The following HLCS variants were observed in gnomAD, a reference collection of about 807,000 sequenced individuals.
The protein encoded by HLCS is holocarboxylase synthetase.
Under a neutral mutation model 75.0 loss-of-function variants are expected in HLCS, and 53 were observed. The observed-to-expected ratio is 0.71, with a 90% CI of 0.57 to 0.89. The LOEUF (loss-of-function observed/expected upper bound fraction) is 0.89. Ranked by LOEUF, HLCS falls within the 40% of genes least tolerant of loss-of-function variation. HLCS has a pLI of 0.00. For missense variants in HLCS, 966 were observed against 1,074.0 expected, an observed-to-expected ratio of 0.90 and a Z score of 1.41; for synonymous variants, 431 against 428.6, an observed-to-expected ratio of 1.01 and a Z score of -0.07.
intron 6 of HLCS, among the ~76,000 whole-genome samples, chr21:36,809,958 C>CA (rs2061464684): frequency 6.6e-6 from 1 of 152,176 alleles, no homozygotes; most frequent in East Asian, 1.9e-4. Context: ...AGGCTGGTCT[C>CA]AGACTCTGAG....
intron 8 of HLCS, among the ~76,000 whole-genome samples, chr21:36,764,675 A>G (rs755080113): frequency 1.3e-5 from 2 of 152,254 alleles, no homozygotes; most frequent in Non-Finnish European, 2.9e-5. Flanking sequence ...ACTGCACTCC[A>G]GCGTGGGTGA....
chr21:36,843,329 T>C (rs965654874), intron 6 of HLCS, among the ~76,000 whole-genome samples: 4 of 152,124 alleles, frequency 2.6e-5, no homozygotes, highest in Admixed American at 6.5e-5. Context: ...TCCCAGCTAC[T>C]TGGGAGGCTG....
chr21:36,779,271 A>T (rs2060455454), intron 6 of HLCS, among the ~76,000 whole-genome samples: 2 of 151,938 alleles, frequency 1.3e-5, no homozygotes, highest in South Asian at 4.1e-4. Context: ...GGTCAACTGT[A>T]TTTCCTTCCG....
chr21:36,943,858 C>A (rs1188276165), intron 2 of HLCS: 1 of 152,294 alleles, frequency 6.6e-6, no homozygotes, highest in African/African-American at 2.4e-5. Context: ...CAAGACCAAT[C>A]CTTCTCAGGG....
Position 36,765,072 on chromosome 21 carries a change from A to C in HLCS, c.2061T>G (p.Phe687Leu), listed in dbSNP as rs2089984873. The C allele has an allele frequency of 4.3e-6, 7 of 1,614,106 alleles. No homozygotes were observed. Among genetic ancestry groups the C allele is most frequent in the Non-Finnish European group, 5.9e-6 (7 of 1,180,040 alleles). ...LRSQLGQRIP[F>L]VQHLMSVAVV... ...CAGCCACGGACATCAGATGCTGGAC[A>C]AACGGGATCCTCTGTCCCAGCTGGG... The change falls in exon 8 of 11, where the codon TTT (phenylalanine) becomes TTG (leucine). Residue 687 changes from phenylalanine to leucine, a missense_variant. By Grantham distance (22) the Phe-to-Leu change is conservative (BLOSUM62 0). Coordinates refer to ENST00000674895, the MANE Select transcript of HLCS (RefSeq NM_001352514.2).
At chr21:36,975,593 T>C (rs1365064837) in intron 1 of HLCS, among the ~76,000 whole-genome samples, 3 of 152,134 alleles carry the variant, frequency 2.0e-5, no homozygotes, top group Non-Finnish European at 4.4e-5. Flanking sequence ...AGCAACATAG[T>C]GAGACCCCAT....
At chr21:36,857,198 C>T (rs1198891392) in intron 6 of HLCS, among the ~76,000 whole-genome samples, 1 of 152,204 alleles carries the variant, frequency 6.6e-6, no homozygotes, top group African/African-American at 2.4e-5. Flanking sequence ...TCAACATTGC[C>T]GTTTCAAAAC....
intron 6 of HLCS, among the ~76,000 whole-genome samples, chr21:36,876,555 G>A (rs892930286): frequency 2.6e-5 from 4 of 152,066 alleles, no homozygotes; most frequent in Non-Finnish European, 5.9e-5. Context: ...AAATACTTGT[G>A]GGTTTCCTAG....
At chr21:36,865,106 C>T (rs866475667) in intron 6 of HLCS, among the ~76,000 whole-genome samples, 3 of 133,394 alleles carry the variant, frequency 2.2e-5, no homozygotes, top group Non-Finnish European at 4.8e-5. Flanking sequence ...AGTTGTGGGG[C>T]GGGGCAGGGT....
intron 5 of HLCS, among the ~76,000 whole-genome samples, chr21:36,903,984 T>A (rs952654332): frequency 2.0e-5 from 3 of 152,158 alleles, no homozygotes; most frequent in Non-Finnish European, 4.4e-5. Context: ...CCTCTCACCA[T>A]GTGATTCCCT....
In HLCS at chr21:36,964,924, C is replaced by T. The variant is rs4816554; in HGVS notation, c.195+1520G>A. Among the ~76,000 whole-genome samples, 1,022 of 152,278 alleles carry T rather than the reference C, an allele frequency of 6.7e-3. 28 individuals carry two copies. Among genetic ancestry groups the T allele is most frequent in the Admixed American group, 0.049 (749 of 15,298 alleles). ...ATTTTTTGCCATTTTATTGAGTTAT[C>T]TTTCTCAATCAGGTTAATTCCCAAC... is the stretch of plus-strand genomic sequence containing the variant. On this transcript the variant is annotated intron_variant, in intron 1 of 10. Transcript: ENST00000674895.
At chr21:36,760,640 T>C (rs774902388) in intron 8 of HLCS, among the ~76,000 whole-genome samples, 10 of 150,056 alleles carry the variant, frequency 6.7e-5, no homozygotes, top group Non-Finnish European at 1.2e-4. Context: ...GCTGTGAAGA[T>C]GCAGAGGAGA....
At chr21:36,922,620 G>T (rs906572148) in intron 5 of HLCS, among the ~76,000 whole-genome samples, 1 of 152,142 alleles carries the variant, frequency 6.6e-6, no homozygotes, top group African/African-American at 2.4e-5. Context: ...GACTAACCTT[G>T]GCTGAGTCTT....
intron 6 of HLCS, among the ~76,000 whole-genome samples, chr21:36,892,263 G>A (rs2064818626): frequency 1.3e-5 from 2 of 152,230 alleles, no homozygotes; most frequent in African/African-American, 2.4e-5. Context: ...CCGATGTGGT[G>A]CAGAGAAGAC....
intron 6 of HLCS, among the ~76,000 whole-genome samples, chr21:36,809,154 C>T (rs2061439057): frequency 6.6e-6 from 1 of 151,864 alleles, no homozygotes; most frequent in African/African-American, 2.4e-5. Flanking sequence ...GCAGAGATTG[C>T]AGTGAGCCGA....
At chr21:36,794,304 A>C (rs1157578302) in intron 6 of HLCS, among the ~76,000 whole-genome samples, 1 of 152,240 alleles carries the variant, frequency 6.6e-6, no homozygotes, top group Non-Finnish European at 1.5e-5. Context: ...TGAAAACAAA[A>C]TACAGCAGAT....
intron 6 of HLCS, among the ~76,000 whole-genome samples, chr21:36,862,443 C>T (rs891287804): frequency 5.9e-5 from 9 of 152,146 alleles, no homozygotes; most frequent in Non-Finnish European, 1.2e-4. Flanking sequence ...CACATCCTTG[C>T]GAATACTTGT....
At chr21:36,763,206 G>C (rs972875103) in intron 8 of HLCS, among the ~76,000 whole-genome samples, 1 of 152,124 alleles carries the variant, frequency 6.6e-6, no homozygotes. Flanking sequence ...TGTGTTTTTA[G>C]TAGAGATGGG....
At chr21:36,961,620 G>C (rs879444228) in intron 2 of HLCS, among the ~76,000 whole-genome samples, 8 of 152,150 alleles carry the variant, frequency 5.3e-5, no homozygotes, top group South Asian at 4.2e-4. Context: ...TATCCAAAGA[G>C]AAAGGGAGCC....
Sources: allele counts gnomAD v4.1 joint callset (sites outside exome capture counted in the v4.1 genomes callset), GRCh38; gene constraint gnomAD v4.1.1; transcripts MANE v1.5; gene names NCBI Gene and HGNC (gene_info 2026-07-23, HGNC 2026-07-21).